Variants in SNRPN observed in about 807,000 individuals in gnomAD.
SNRPN encodes the protein small nuclear ribonucleoprotein-associated protein N.
SNRPN carries 7 observed loss-of-function variants against 25.2 expected under a neutral mutation model. The observed-to-expected ratio is 0.28, with a 90% CI of 0.16 to 0.52. SNRPN has a LOEUF of 0.52. SNRPN is among the 20% of genes least tolerant of loss of function. The probability of loss-of-function intolerance (pLI) is 0.96; values close to 1 mark genes in which losing one functional copy is unlikely to be tolerated. For synonymous variants in SNRPN, 124 were observed against 110.6 expected, an observed-to-expected ratio of 1.12 and a Z score of -0.76; for missense variants, 196 against 322.5, an observed-to-expected ratio of 0.61 and a Z score of 3.00.
chr15:24,849,873 G>A (rs542100217), intron 2 of SNRPN: 10 of 152,232 alleles, frequency 6.6e-5, no homozygotes, highest in Admixed American at 5.2e-4. Flanking sequence ...AAAAATCCTC[G>A]TAAAATTATA....
chr15:24,886,923 T>C (rs1441595603), intron 2 of SNRPN, among the ~76,000 whole-genome samples: 1 of 152,200 alleles, frequency 6.6e-6, no homozygotes, highest in Non-Finnish European at 1.5e-5. Context: ...GGCCACATCC[T>C]CTTTACTTAG....
chr15:24,839,547 C>T (rs928348502), intron 2 of SNRPN, among the ~76,000 whole-genome samples: 6 of 151,986 alleles, frequency 3.9e-5, no homozygotes, highest in African/African-American at 1.5e-4. Context: ...CAGCAACGGC[C>T]CACACATTGG....
At chr15:24,896,379 G>A (rs894811220) in intron 2 of SNRPN, among the ~76,000 whole-genome samples, 3 of 152,170 alleles carry the variant, frequency 2.0e-5, no homozygotes, top group Admixed American at 6.6e-5. Context: ...TGAAGATATA[G>A]TGCAGATGTA....
chr15:24,843,987 C>G (rs963152097), intron 2 of SNRPN, among the ~76,000 whole-genome samples: 1 of 148,814 alleles, frequency 6.7e-6, no homozygotes, highest in East Asian at 2.0e-4. Flanking sequence ...AAAAAAAAAA[C>G]GTATGATTCA....
chr15:24,862,496 T>G lies in SNRPN; in HGVS notation c.-579+5780T>G, dbSNP rs569003670. On this transcript the variant is annotated intron_variant, in intron 1 of 11. Coordinates refer to the SNRPN transcript ENST00000400097. ...AAGAGAGATGGAGTGTCTAGGGAAG[T>G]AGGCAAGCATTTGGGGAAGGAGAGT... 1.2e-3 allele frequency among the ~76,000 whole-genome samples: 184 copies of G among 151,012 alleles called. 13 individuals are homozygous for G. The highest frequency in any genetic ancestry group is 4.1e-3 in the African/African-American group (165 of 40,474).
At chr15:24,845,504 A>G (rs1232332935) in intron 2 of SNRPN, among the ~76,000 whole-genome samples, 1 of 152,096 alleles carries the variant, frequency 6.6e-6, no homozygotes, top group African/African-American at 2.4e-5. Flanking sequence ...AGTCTGAGGC[A>G]GGAGAATCCC....
chr15:24,842,387 C>G (rs1301065847), intron 2 of SNRPN, among the ~76,000 whole-genome samples: 1 of 152,258 alleles, frequency 6.6e-6, no homozygotes, highest in South Asian at 2.1e-4. Context: ...AAAGGATGCA[C>G]ATTTATTATT....
At chr15:24,884,550 T>C (rs938720123) in intron 1 of SNRPN, among the ~76,000 whole-genome samples, 10 of 152,180 alleles carry the variant, frequency 6.6e-5, no homozygotes, top group African/African-American at 9.7e-5. Flanking sequence ...CTCACCACTG[T>C]GCTGGTATGT....
intron 1 of SNRPN, among the ~76,000 whole-genome samples, chr15:24,961,134 A>G (rs1446800276): frequency 2.0e-5 from 3 of 152,198 alleles, no homozygotes; most frequent in South Asian, 2.1e-4. Flanking sequence ...GTTATATTTA[A>G]TAGACCATTG....
chr15:24,968,255 AC>A, intron 3 of SNRPN, 173 bp downstream of exon 3: 1 of 519,678 alleles, frequency 1.9e-6, no homozygotes, highest in South Asian at 2.2e-5. Context: ...CTGCCCTGAC[AC>A]TTTCGTCATG....
At chr15:24,967,813 A>G (rs2075877536) in intron 2 of SNRPN, 119 bp from the exon 3 acceptor site, 12 of 756,308 alleles carry the variant, frequency 1.6e-5, no homozygotes, top group South Asian at 1.5e-4. Flanking sequence ...GTCTGGAAAA[A>G]AAAAAAAAAA....
chr15:24,945,431 T>G (rs2061820357), intron 3 of SNRPN, among the ~76,000 whole-genome samples: 1 of 151,460 alleles, frequency 6.6e-6, no homozygotes, highest in Non-Finnish European at 1.5e-5. Context: ...CCCACCTACT[T>G]GAGAGGCTGA....
upstream of SNRPN, among the ~76,000 whole-genome samples, chr15:24,855,286 A>G (rs2053283281): frequency 6.6e-6 from 1 of 152,128 alleles, no homozygotes; most frequent in African/African-American, 2.4e-5. Context: ...GGTTTTATGG[A>G]TTATTAGTTC....
chr15:24,937,983 A>G (rs1400819089), intron 3 of SNRPN, among the ~76,000 whole-genome samples: 1 of 152,240 alleles, frequency 6.6e-6, no homozygotes, highest in Non-Finnish European at 1.5e-5. Flanking sequence ...ACTCCATTGC[A>G]TGTATGCATT....
intron 3 of SNRPN, among the ~76,000 whole-genome samples, chr15:24,948,348 G>T (rs1400252680): frequency 6.6e-6 from 1 of 151,974 alleles, no homozygotes; most frequent in Non-Finnish European, 1.5e-5. Context: ...TCCTGACCTC[G>T]TGATCTGCCC....
chr15:24,949,853 G>A (rs2062130086), intron 3 of SNRPN, among the ~76,000 whole-genome samples: 1 of 150,772 alleles, frequency 6.6e-6, no homozygotes, highest in Admixed American at 6.6e-5. Flanking sequence ...TTGGAGAACG[G>A]GTCTCACTCT....
intron 3 of SNRPN, chr15:24,968,465 C>A: frequency 1.3e-5 from 2 of 157,584 alleles, no homozygotes; most frequent in Admixed American, 6.2e-5. Flanking sequence ...TTGTATAAAA[C>A]TTAGAATAAT....
chr15:24,926,341 A>G (rs1393105714), intron 3 of SNRPN, among the ~76,000 whole-genome samples: 1 of 152,222 alleles, frequency 6.6e-6, no homozygotes, highest in African/African-American at 2.4e-5. Flanking sequence ...GGCATACAGT[A>G]AGAAGTCATC....
chr15:24,932,012 T>C (rs1342870651), intron 3 of SNRPN, among the ~76,000 whole-genome samples: 3 of 151,890 alleles, frequency 2.0e-5, no homozygotes, highest in Non-Finnish European at 4.4e-5. Flanking sequence ...TGCTAACTGG[T>C]GCTGTTTGAA....
Sources: gnomAD v4.1 joint callset for allele counts (sites outside exome capture counted in the v4.1 genomes callset) on GRCh38, gnomAD v4.1.1 for gene constraint, MANE v1.5 for transcripts, NCBI Gene and HGNC (gene_info 2026-07-23, HGNC 2026-07-21) for gene names.